The following ZFPM2 variants were observed in gnomAD, a reference collection of about 807,000 sequenced individuals.
ZFPM2 encodes zinc finger protein ZFPM2.
In ZFPM2, 20 loss-of-function variants were observed where a neutral mutation model predicts 98.6. The observed-to-expected ratio is 0.20, with a 90% CI of 0.14 to 0.29. The LOEUF is 0.29. ZFPM2 is among the 10% of genes least tolerant of loss of function. ZFPM2 has a pLI of 1.00. For missense variants in ZFPM2, 1,310 were observed against 1,388.6 expected, an observed-to-expected ratio of 0.94 and a Z score of 0.90; for synonymous variants, 518 against 502.7, an observed-to-expected ratio of 1.03 and a Z score of -0.41.
intron 5 of ZFPM2, among the ~76,000 whole-genome samples, chr8:105,649,993 T>C (rs955175385): frequency 2.6e-5 from 4 of 152,210 alleles, no homozygotes; most frequent in Non-Finnish European, 4.4e-5. Context: ...AGAATTTGGC[T>C]GTGAATCCAT....
At chr8:105,780,556 A>T (rs557972867) in intron 5 of ZFPM2, 3 of 152,356 alleles carry the variant, frequency 2.0e-5, no homozygotes, top group Non-Finnish European at 4.4e-5. Flanking sequence ...TCATTCCTAT[A>T]TTCTTCAAAC....
At chr8:105,718,099 C>G (rs1225957423) in intron 5 of ZFPM2, among the ~76,000 whole-genome samples, 1 of 151,874 alleles carries the variant, frequency 6.6e-6, no homozygotes, top group Non-Finnish European at 1.5e-5. Context: ...ATTTAGAAGT[C>G]TAAAATGTGA....
At chr8:105,333,815 G>A (rs140865813) in intron 1 of ZFPM2, among the ~76,000 whole-genome samples, 2 of 151,676 alleles carry the variant, frequency 1.3e-5, no homozygotes, top group African/African-American at 4.8e-5. Context: ...AGTATGGCAT[G>A]TACCTATTTG....
At chr8:105,575,344 C>G (rs1687042776) in intron 4 of ZFPM2, among the ~76,000 whole-genome samples, 1 of 152,114 alleles carries the variant, frequency 6.6e-6, no homozygotes, top group South Asian at 2.1e-4. Flanking sequence ...TCCCTTTCCC[C>G]AATTGTTGTA....
chr8:105,798,277 C>CTGTT (rs386360872), intron 6 of ZFPM2: 1 of 154,524 alleles, frequency 6.5e-6, no homozygotes, highest in Non-Finnish European at 1.4e-5. Context: ...ATGGAGAAAC[C>CTGTT]TGTTTCTACT....
At chr8:105,796,907 G>C (rs920891002) in intron 6 of ZFPM2, 21 of 152,266 alleles carry the variant, frequency 1.4e-4, no homozygotes, top group African/African-American at 4.8e-4. Flanking sequence ...ACAATACAAG[G>C]TCAGATTTGG....
chr8:105,425,915 A>C (rs565634845), intron 2 of ZFPM2, among the ~76,000 whole-genome samples: 1 of 152,162 alleles, frequency 6.6e-6, no homozygotes, highest in African/African-American at 2.4e-5. Context: ...ATTTGATCCC[A>C]TGTCAAACAT....
chr8:105,407,103 C>A (rs970448761), intron 1 of ZFPM2, among the ~76,000 whole-genome samples: 1 of 140,264 alleles, frequency 7.1e-6, no homozygotes, highest in Admixed American at 7.5e-5. Flanking sequence ...AGATTAAATG[C>A]TCTAATTTTT....
intron 3 of ZFPM2, among the ~76,000 whole-genome samples, chr8:105,479,079 G>T (rs1340918417): frequency 6.6e-6 from 1 of 152,068 alleles, no homozygotes; most frequent in Non-Finnish European, 1.5e-5. Flanking sequence ...GTTCTCACAG[G>T]TCATAAAATC....
chr8:105,522,322 T>C (rs539249379), intron 3 of ZFPM2, among the ~76,000 whole-genome samples: 14 of 152,334 alleles, frequency 9.2e-5, no homozygotes, highest in African/African-American at 3.4e-4. Context: ...TTAGGAACGA[T>C]GTTTGGGAGA....
At chr8:105,762,470 A>G (rs899867618) in intron 5 of ZFPM2, among the ~76,000 whole-genome samples, 2 of 151,770 alleles carry the variant, frequency 1.3e-5, no homozygotes, top group Non-Finnish European at 2.9e-5. Flanking sequence ...GTCCTCTCAA[A>G]CCTTCATTTT....
intron 4 of ZFPM2, among the ~76,000 whole-genome samples, chr8:105,619,035 C>A (rs944619082): frequency 4.0e-5 from 6 of 151,278 alleles, no homozygotes; most frequent in Non-Finnish European, 1.5e-5. Flanking sequence ...TGGATTAAAC[C>A]AAAATATTCA....
chr8:105,443,627 T>C (rs1274676752), intron 2 of ZFPM2, among the ~76,000 whole-genome samples: 1 of 152,174 alleles, frequency 6.6e-6, no homozygotes, highest in East Asian at 1.9e-4. Context: ...TTGCTCAGAA[T>C]GTTACTGCCT....
intron 3 of ZFPM2, among the ~76,000 whole-genome samples, chr8:105,479,554 T>G (rs1468581711): frequency 6.6e-6 from 1 of 152,218 alleles, no homozygotes; most frequent in Non-Finnish European, 1.5e-5. Flanking sequence ...TTAGTTAAAG[T>G]CTGTCTAACC....
At chr8:105,799,413 C>T (rs1490958370) in intron 7 of ZFPM2, among the ~76,000 whole-genome samples, 1 of 152,142 alleles carries the variant, frequency 6.6e-6, no homozygotes, top group Non-Finnish European at 1.5e-5. Flanking sequence ...GGGATGTTTA[C>T]TTTTAAATAT....
chr8:105,664,165 C>G (rs1817445654), intron 5 of ZFPM2, among the ~76,000 whole-genome samples: 1 of 152,088 alleles, frequency 6.6e-6, no homozygotes, highest in African/African-American at 2.4e-5. Flanking sequence ...CTTTTGTACT[C>G]CATTGCATTA....
intron 3 of ZFPM2, among the ~76,000 whole-genome samples, chr8:105,503,673 A>T (rs1281912828): frequency 1.3e-5 from 2 of 152,212 alleles, no homozygotes; most frequent in African/African-American, 2.4e-5. Context: ...ACTTTAAAGT[A>T]TTTGTAGAGA....
At chr8:105,602,533 T>C (rs1215855735) in intron 4 of ZFPM2, among the ~76,000 whole-genome samples, 1 of 152,142 alleles carries the variant, frequency 6.6e-6, no homozygotes, top group Non-Finnish European at 1.5e-5. Context: ...AATTTCAAGA[T>C]TTCAAAATTA....
In ZFPM2 at chr8:105,803,766, GGTTAT is replaced by G. The variant is rs3832567; in HGVS notation, c.*234_*238del. ...TTTTACCAGCAGTATTCATAGCTGT[GGTTAT>G]GTTATTTTTTATTTAAAAACTTTAT... On this transcript the variant is annotated 3_prime_UTR_variant, in exon 8 of 8. Coordinates refer to ENST00000407775, the MANE Select transcript of ZFPM2 (RefSeq NM_012082.4). 65,345 of 483,270 alleles carry G rather than the reference GGTTAT, an allele frequency of 0.14. 5,286 individuals are homozygous for G. The highest frequency in any genetic ancestry group is 0.27 in the East Asian group (7,514 of 28,138). The allele number at this position is 483,270 out of a possible 1,614,324, so 29.9% of individuals were successfully genotyped here. A position where few individuals can be genotyped will look rare whatever the true frequency, so the allele number is the denominator to read the frequency against.
Sources: allele counts gnomAD v4.1 joint callset (sites outside exome capture counted in the v4.1 genomes callset), GRCh38; gene constraint gnomAD v4.1.1; transcripts MANE v1.5; gene names NCBI Gene and HGNC (gene_info 2026-07-23, HGNC 2026-07-21).